The following ATP13A4 variants were observed in gnomAD, a reference collection of about 807,000 sequenced individuals.
ATP13A4 encodes the protein probable cation-transporting ATPase 13A4.
A neutral mutation model predicts 142.5 loss-of-function variants in ATP13A4; 114 were observed. The ratio of observed to expected loss-of-function variants is 0.80; its 90% CI spans 0.69 to 0.93. The LOEUF (loss-of-function observed/expected upper bound fraction) is 0.93. Among genes scored for constraint, ATP13A4 ranks in the 40% least tolerant of loss-of-function variants. The pLI is 0.00. For missense variants in ATP13A4, 1,392 were observed against 1,454.0 expected (o/e 0.96, Z 0.69); for synonymous variants, 488 against 514.8 (o/e 0.95, Z 0.70).
chr3:193,528,919 A>G lies in ATP13A4; in HGVS notation c.61-14048T>C, dbSNP rs186159932. The stretch of plus-strand genomic sequence containing the variant: ...AGCTTTTAGCTCTTCTAATACCCAA[A>G]CCATATTCAAATATCACCAATGGAC... On this transcript the variant is annotated intron_variant, in intron 1 of 29. Transcript: ENST00000342695. 2.0e-3 allele frequency among the ~76,000 whole-genome samples: 312 copies of G among 152,218 alleles called. 3 individuals carry two copies. Among genetic ancestry groups the G allele is most frequent in the Admixed American group, 4.1e-3 (62 of 15,288 alleles).
At chr3:193,486,803 G>C (rs993622808) in intron 7 of ATP13A4, among the ~76,000 whole-genome samples, 1 of 151,870 alleles carries the variant, frequency 6.6e-6, no homozygotes, top group African/African-American at 2.4e-5. Context: ...AAATAATGAA[G>C]AATCTTTTAT....
chr3:193,462,147 A>C (rs1717985666), intron 13 of ATP13A4, among the ~76,000 whole-genome samples: 1 of 151,398 alleles, frequency 6.6e-6, no homozygotes, highest in East Asian at 1.9e-4. Context: ...GCTTGAACCC[A>C]GGAGGCGGAG....
chr3:193,502,837 C>A (rs1720629554), intron 2 of ATP13A4, among the ~76,000 whole-genome samples, 198 bp from the exon 3 acceptor site: 1 of 152,150 alleles, frequency 6.6e-6, no homozygotes, highest in African/African-American at 2.4e-5. Context: ...ACTGAGGAAT[C>A]TGGATATGAA....
upstream of ATP13A4, among the ~76,000 whole-genome samples, chr3:193,555,650 G>T (rs1159998935): frequency 6.6e-6 from 1 of 152,138 alleles, no homozygotes; most frequent in African/African-American, 2.4e-5. Flanking sequence ...TGAGCACAGG[G>T]ACTACCTAAA....
chr3:193,546,915 T>G (rs544117757), intron 1 of ATP13A4, among the ~76,000 whole-genome samples: 160 of 152,336 alleles, frequency 1.1e-3, no homozygotes, highest in African/African-American at 3.6e-3. Context: ...AAGTTCTTAG[T>G]CCCGAACTTG....
chr3:193,539,530 G>A (rs946834297), intron 1 of ATP13A4, among the ~76,000 whole-genome samples: 1 of 152,340 alleles, frequency 6.6e-6, no homozygotes, highest in East Asian at 1.9e-4. Context: ...GAGGGCTCAA[G>A]AATCCACCAC....
intron 3 of ATP13A4, among the ~76,000 whole-genome samples, chr3:193,500,099 A>T (rs1007842388): frequency 1.3e-5 from 2 of 152,170 alleles, no homozygotes; most frequent in African/African-American, 4.8e-5. Context: ...TGGTAAGAGG[A>T]TGTTAAGTAC....
intron 17 of ATP13A4, among the ~76,000 whole-genome samples, chr3:193,453,523 G>A (rs1312660154): frequency 6.6e-6 from 1 of 151,958 alleles, no homozygotes; most frequent in African/African-American, 2.4e-5. Flanking sequence ...GAGCTGTTAC[G>A]CATCTCTATT....
chr3:193,440,365 T>A, intron 21 of ATP13A4, 193 bp downstream of exon 21: 1 of 1,095,332 alleles, frequency 9.1e-7, no homozygotes, highest in Non-Finnish European at 1.3e-6. Flanking sequence ...TATAAACAAC[T>A]GAATCAGGAT....
intron 2 of ATP13A4, among the ~76,000 whole-genome samples, chr3:193,503,681 C>G (rs1392340589): frequency 3.3e-5 from 5 of 152,166 alleles, no homozygotes; most frequent in Non-Finnish European, 7.3e-5. Flanking sequence ...TATATTCATC[C>G]TCCTAAGAGA....
At position 193,489,710 on chromosome 3, in the gene ATP13A4, G is replaced by C; in HGVS notation, c.738+20C>G. 6.3e-7 allele frequency: 1 copy of C among 1,596,998 alleles called. No homozygotes were observed. Among genetic ancestry groups the C allele is most frequent in the Non-Finnish European group, 8.6e-7 (1 of 1,165,142 alleles). The stretch of plus-strand genomic sequence containing the variant: ...TTATCCTTCCCTTTATGAAACCATA[G>C]AATTAATAGAAAAACTCACCTCTCT... On this transcript the variant is annotated intron_variant, in intron 7 of 29. Coordinates refer to ENST00000342695, the MANE Select transcript of ATP13A4 (RefSeq NM_032279.4).
At position 193,477,018 on chromosome 3, in the gene ATP13A4, T is replaced by C. The variant is rs577254297; in HGVS notation, c.809-6025A>G. On this transcript the variant is annotated intron_variant, in intron 8 of 29. Transcript: ENST00000342695. The stretch of plus-strand genomic sequence containing the variant: ...CACGCTTTTAGAAAAATGGCACGGA[T>C]AGACTTGCTCAATGTAGGACTGTCA... Among the ~76,000 whole-genome samples, 31 of 152,094 alleles carry C rather than the reference T, an allele frequency of 2.0e-4. 2 individuals are homozygous for C. The highest frequency in any genetic ancestry group is 7.5e-4 in the African/African-American group (31 of 41,416).
Position 193,536,529 on chromosome 3 carries a change from C to T in ATP13A4, c.60+18211G>A, listed in dbSNP as rs1055478568. 2.6e-5 allele frequency among the ~76,000 whole-genome samples: 4 copies of T among 151,990 alleles called. No individual in the cohort carries two copies. In the East Asian group the frequency reaches 7.7e-4, roughly 29 times the overall value. On this transcript the variant is annotated intron_variant, in intron 1 of 29. Coordinates refer to ENST00000342695, the MANE Select transcript of ATP13A4 (RefSeq NM_032279.4). Reference sequence around the variant, plus strand: ...AATAAGGAGCATTTTTAAAACCTTACAGTAACATATGTAATGGTGAAAAAC... The same window carrying T: ...AATAAGGAGCATTTTTAAAACCTTATAGTAACATATGTAATGGTGAAAAAC...
At chr3:193,547,353 A>T (rs1399348698) in intron 1 of ATP13A4, among the ~76,000 whole-genome samples, 1 of 152,218 alleles carries the variant, frequency 6.6e-6, no homozygotes, top group Non-Finnish European at 1.5e-5. Flanking sequence ...ACATTGTGTC[A>T]TCCAGGCTGG....
At chr3:193,444,827 C>T (rs1023192827) in intron 18 of ATP13A4, among the ~76,000 whole-genome samples, 19 of 152,162 alleles carry the variant, frequency 1.2e-4, no homozygotes, top group African/African-American at 4.3e-4. Context: ...TGAAGATCCT[C>T]AAAAGAGCCG....
chr3:193,511,821 T>A (rs1241739412), intron 2 of ATP13A4, among the ~76,000 whole-genome samples: 1 of 152,126 alleles, frequency 6.6e-6, no homozygotes, highest in Non-Finnish European at 1.5e-5. Flanking sequence ...TCCTAAAAAG[T>A]TAGGTAACAA....
chr3:193,460,493 G>T (rs1717886473), intron 13 of ATP13A4, among the ~76,000 whole-genome samples: 1 of 152,112 alleles, frequency 6.6e-6, no homozygotes, highest in African/African-American at 2.4e-5. Flanking sequence ...GTTCAAAAAT[G>T]TCCTGGCTTC....
At chr3:193,544,925 G>T (rs1036210550) in intron 1 of ATP13A4, among the ~76,000 whole-genome samples, 1 of 152,090 alleles carries the variant, frequency 6.6e-6, no homozygotes, top group East Asian at 1.9e-4. Flanking sequence ...CCAGATTTGG[G>T]TATATTATAT....
chr3:193,486,650 T>C (rs771376014), intron 7 of ATP13A4, among the ~76,000 whole-genome samples: 2 of 152,198 alleles, frequency 1.3e-5, no homozygotes, highest in Non-Finnish European at 2.9e-5. Flanking sequence ...AGGTAATTTT[T>C]TGATATTAAG....
Sources: gnomAD v4.1 joint callset for allele counts (sites outside exome capture counted in the v4.1 genomes callset) on GRCh38, gnomAD v4.1.1 for gene constraint, MANE v1.5 for transcripts, NCBI Gene and HGNC (gene_info 2026-07-23, HGNC 2026-07-21) for gene names.